Variants in SLC28A1 observed in about 807,000 individuals in gnomAD.
The protein encoded by SLC28A1 is solute carrier family 28 member 1.
SLC28A1 carries 64 observed loss-of-function variants against 74.8 expected under a neutral mutation model. That is an observed-to-expected ratio of 0.86 (90% CI 0.70 to 1.05). The LOEUF (loss-of-function observed/expected upper bound fraction) is 1.05. Ranked by LOEUF, SLC28A1 falls within the 50% of genes least tolerant of loss-of-function variation. SLC28A1 has a pLI of 0.00. For missense variants in SLC28A1, 828 were observed against 822.8 expected (o/e 1.01, Z -0.08); for synonymous variants, 359 against 335.0 (o/e 1.07, Z -0.78).
At chr15:84,939,275 T>C (rs1354050818) in intron 15 of SLC28A1, among the ~76,000 whole-genome samples, 3 of 151,986 alleles carry the variant, frequency 2.0e-5, no homozygotes, top group Admixed American at 6.6e-5. Context: ...AGCTATGATT[T>C]TGCCACTGCA....
chr15:84,887,486 C>T (rs1964727770), intron 2 of SLC28A1: 3 of 973,940 alleles, frequency 3.1e-6, no homozygotes, highest in South Asian at 4.7e-5. Flanking sequence ...GAGTTGGAGG[C>T]CAGCCTGTGC....
At chr15:84,922,267 CCTTGACCGTCCA>C (rs1375530872) in intron 11 of SLC28A1, among the ~76,000 whole-genome samples, 2 of 152,184 alleles carry the variant, frequency 1.3e-5, no homozygotes, top group East Asian at 3.9e-4. Context: ...TCAACTGGCC[CCTTGACCGTCCA>C]CTTGGAGATC....
In SLC28A1 at chr15:84,945,298, G is replaced by A. The variant is rs2079164324; in HGVS notation, c.*98G>A. On this transcript the variant is annotated 3_prime_UTR_variant, in exon 19 of 19. Transcript: ENST00000394573. Reference sequence around the variant, plus strand: ...CTTTCCCAGAGCCCTCTTCAGGGAAGCCACAGGACTTAGACCCAGCTCAAT... The same window carrying A: ...CTTTCCCAGAGCCCTCTTCAGGGAAACCACAGGACTTAGACCCAGCTCAAT... The A allele has an allele frequency of 4.3e-6, 5 of 1,149,862 alleles. No individual in the cohort carries two copies. The East Asian group carries it at 1.2e-4, about 28-fold the overall frequency. The allele number at this position is 1,149,862 out of a possible 1,614,324, so 71.2% of individuals were successfully genotyped here. A position where few individuals can be genotyped will look rare whatever the true frequency, so the allele number is the denominator to read the frequency against.
At position 84,890,590 on chromosome 15, in the gene SLC28A1, A is replaced by G. The variant is rs1439149116; in HGVS notation, c.277+56A>G. 10 of 1,371,352 alleles carry G rather than the reference A, an allele frequency of 7.3e-6. No individual in the cohort carries two copies. In the East Asian group the frequency reaches 1.9e-4, roughly 26 times the overall value. The allele number at this position is 1,371,352 out of a possible 1,614,324, so 84.9% of individuals were successfully genotyped here. A position where few individuals can be genotyped will look rare whatever the true frequency, so the allele number is the denominator to read the frequency against. On this transcript the variant is annotated intron_variant, in intron 5 of 18. Coordinates refer to ENST00000394573, the MANE Select transcript of SLC28A1 (RefSeq NM_004213.5). ...ACAATGACTCCTGCCTCAGCTATCC[A>G]TGTCTCAGGGCAGGGTCATTCACTC...
At position 84,944,826 on chromosome 15, in the gene SLC28A1, T is replaced by C; in HGVS notation, c.1833T>C (p.Ser611=). 2 of 1,614,018 alleles carry C rather than the reference T, an allele frequency of 1.2e-6. No individual in the cohort carries two copies. The highest frequency in any genetic ancestry group is 1.7e-6 in the Non-Finnish European group (2 of 1,179,922). ...MSLLNTTLSS[S]SFEIYQCCRE... ...TCTTGAACACGACCCTCAGCAGCAG[T>C]AGCTTTGAGATTTACCAGTGCTGCC... Residue 611 remains serine, a synonymous_variant, in exon 18 of 19, where the codon AGT becomes AGC. Coordinates refer to ENST00000394573, the MANE Select transcript of SLC28A1 (RefSeq NM_004213.5).
In SLC28A1 at chr15:84,945,295, G is replaced by A. The variant is rs1227275677; in HGVS notation, c.*95G>A. 5.1e-6 allele frequency: 6 copies of A among 1,171,200 alleles called. No individual in the cohort carries two copies. Among genetic ancestry groups the A allele is most frequent in the Non-Finnish European group, 6.3e-6 (5 of 788,466 alleles). The allele number at this position is 1,171,200 out of a possible 1,614,324, so 72.6% of individuals were successfully genotyped here. ...TCCCTTTCCCAGAGCCCTCTTCAGG[G>A]AAGCCACAGGACTTAGACCCAGCTC... is the stretch of plus-strand genomic sequence containing the variant. On this transcript the variant is annotated 3_prime_UTR_variant, in exon 19 of 19. Coordinates refer to ENST00000394573, the MANE Select transcript of SLC28A1 (RefSeq NM_004213.5).
chr15:84,942,571 GCAA>G (rs927269071), intron 15 of SLC28A1, among the ~76,000 whole-genome samples: 1 of 152,230 alleles, frequency 6.6e-6, no homozygotes, highest in Middle Eastern at 3.4e-3. Context: ...GCCCTCCCAG[GCAA>G]CTACTATTAT....
At chr15:84,923,389 A>G (rs1403687120) in intron 11 of SLC28A1, among the ~76,000 whole-genome samples, 2 of 151,936 alleles carry the variant, frequency 1.3e-5, no homozygotes, top group East Asian at 1.9e-4. Context: ...TATAAGCCCT[A>G]TGAAGGCAGG....
chr15:84,919,345 T>G (rs1969526780), intron 10 of SLC28A1, among the ~76,000 whole-genome samples: 1 of 152,228 alleles, frequency 6.6e-6, no homozygotes, highest in African/African-American at 2.4e-5. Context: ...GAGCTCAGAA[T>G]AAATCAGCAA....
chr15:84,894,618 C>T (rs1224807613), intron 5 of SLC28A1, among the ~76,000 whole-genome samples: 1 of 152,168 alleles, frequency 6.6e-6, no homozygotes, highest in African/African-American at 2.4e-5. Context: ...GGCGCTGGAC[C>T]ACAGCAGATG....
chr15:84,885,922 G>A (rs796465711), intron 1 of SLC28A1, among the ~76,000 whole-genome samples: 47 of 152,212 alleles, frequency 3.1e-4, no homozygotes, highest in African/African-American at 1.1e-3. Context: ...AAAAAGAGGG[G>A]GTGTCCATCC....
At chr15:84,971,596 G>A in the SLC28A1 span, among the ~76,000 whole-genome samples, 3 of 152,156 alleles carry the variant, frequency 2.0e-5, no homozygotes, top group African/African-American at 7.2e-5. Context: ...CATGCTTCTT[G>A]TACAGCCTGC....
Position 84,890,609 on chromosome 15 carries a change from T to C in SLC28A1, c.277+75T>C. 2.6e-6 allele frequency: 3 copies of C among 1,174,392 alleles called. No individual in the cohort carries two copies. In the South Asian group the frequency reaches 3.9e-5, roughly 15 times the overall value. The allele number at this position is 1,174,392 out of a possible 1,614,324, so 72.7% of individuals were successfully genotyped here. A position where few individuals can be genotyped will look rare whatever the true frequency, so the allele number is the denominator to read the frequency against. On this transcript the variant is annotated intron_variant, in intron 5 of 18. Coordinates refer to ENST00000394573, the MANE Select transcript of SLC28A1 (RefSeq NM_004213.5). Reference sequence around the variant, plus strand: ...CTATCCATGTCTCAGGGCAGGGTCATTCACTCACCCAGTCATTCAACAAAT... The same window carrying C: ...CTATCCATGTCTCAGGGCAGGGTCACTCACTCACCCAGTCATTCAACAAAT...
the SLC28A1 span, among the ~76,000 whole-genome samples, chr15:84,951,972 G>A: frequency 6.6e-6 from 1 of 152,190 alleles, no homozygotes; most frequent in Non-Finnish European, 1.5e-5. Context: ...GCAGTTTCCA[G>A]CCTCAGGCTT....
chr15:84,915,587 C>T (rs1355913423), intron 9 of SLC28A1, among the ~76,000 whole-genome samples: 1 of 152,176 alleles, frequency 6.6e-6, no homozygotes, highest in African/African-American at 2.4e-5. Context: ...ACATCAGCCT[C>T]AGTCCCCACG....
intron 4 of SLC28A1, among the ~76,000 whole-genome samples, chr15:84,889,667 TCCTTCC>T (rs1173665251): frequency 2.1e-4 from 27 of 126,754 alleles, no homozygotes; most frequent in African/African-American, 6.7e-4. Flanking sequence ...TTTCTTTCCT[TCCTTCC>T]TTCTTTCCTT....
At chr15:84,931,962 G>A (rs572985590) in intron 12 of SLC28A1, among the ~76,000 whole-genome samples, 9 of 151,416 alleles carry the variant, frequency 5.9e-5, no homozygotes, top group East Asian at 3.9e-4. Context: ...AGATTGTACC[G>A]CTGCACTCCA....
chr15:84,932,785 A>G (rs1299945626), intron 12 of SLC28A1, among the ~76,000 whole-genome samples: 1 of 152,224 alleles, frequency 6.6e-6, no homozygotes, highest in African/African-American at 2.4e-5. Flanking sequence ...AAAGGAAGAA[A>G]GAACCTTGAA....
In SLC28A1 at chr15:84,902,296, A is replaced by G. The variant is rs139718543; in HGVS notation, c.462-1801A>G. 2.0e-3 allele frequency among the ~76,000 whole-genome samples: 307 copies of G among 152,290 alleles called. 3 individuals are homozygous for G. Among genetic ancestry groups the G allele is most frequent in the African/African-American group, 7.1e-3 (297 of 41,578 alleles). On this transcript the variant is annotated intron_variant, in intron 6 of 18. Coordinates refer to ENST00000394573, the MANE Select transcript of SLC28A1 (RefSeq NM_004213.5). Reference sequence around the variant, plus strand: ...GAAATTCAAGACCAGCCTGGCCAACATGGTGAAATCCCATCTCTTCTAAAA... The same window carrying G: ...GAAATTCAAGACCAGCCTGGCCAACGTGGTGAAATCCCATCTCTTCTAAAA...
Sources: allele counts gnomAD v4.1 joint callset (sites outside exome capture counted in the v4.1 genomes callset), GRCh38; gene constraint gnomAD v4.1.1; transcripts MANE v1.5; gene names NCBI Gene and HGNC (gene_info 2026-07-23, HGNC 2026-07-21).